Variants in ZNF385D observed in about 807,000 individuals in gnomAD.
The protein encoded by ZNF385D is zinc finger protein 385D.
ZNF385D carries 15 observed loss-of-function variants against 35.8 expected under a neutral mutation model. That is an observed-to-expected ratio of 0.42 (90% confidence interval 0.28 to 0.64). ZNF385D has a LOEUF of 0.64. ZNF385D is among the 30% of genes least tolerant of loss of function. The probability of loss-of-function intolerance (pLI) is 0.23; values close to 1 mark genes in which losing one functional copy is unlikely to be tolerated. For synonymous variants in ZNF385D, 212 were observed against 186.8 expected (o/e 1.13, Z -1.10); for missense variants, 474 against 494.6 (o/e 0.96, Z 0.39).
intron 3 of ZNF385D, among the ~76,000 whole-genome samples, chr3:21,852,328 G>A (rs554362879): frequency 6.6e-6 from 1 of 151,816 alleles, no homozygotes; most frequent in Non-Finnish European, 1.5e-5. Flanking sequence ...ATTCCAACAA[G>A]CTCAATTAAT....
Position 22,351,884 on chromosome 3 carries a change from A to G in ZNF385D, c.106+20566T>C, listed in dbSNP as rs576686744. On this transcript the variant is annotated intron_variant, in intron 2 of 5. Transcript: ENST00000494108. Reference sequence around the variant, plus strand: ...TTAAGCTAGTTTTCCTCCCAAATATAGAATGAAAATGGTGCTAACCTGAAG... The same window carrying G: ...TTAAGCTAGTTTTCCTCCCAAATATGGAATGAAAATGGTGCTAACCTGAAG... 6.6e-5 allele frequency among the ~76,000 whole-genome samples: 10 copies of G among 152,268 alleles called. No individual in the cohort carries two copies. The South Asian group carries it at 1.4e-3, about 22-fold the overall frequency.
chr3:22,127,317 C>CTTTTTTTTTTTTTTTTTTTTTTTTTT (rs71044975), intron 3 of ZNF385D, among the ~76,000 whole-genome samples: 1 of 56,308 alleles, frequency 1.8e-5, no homozygotes, highest in Non-Finnish European at 3.3e-5. Context: ...TCATTTCCTG[C>CTTTTTTTTTTTTTTTTTTTTTTTTTT]TTTTTTTTTT....
intron 2 of ZNF385D, among the ~76,000 whole-genome samples, chr3:22,221,421 A>G (rs1246620223): frequency 6.6e-6 from 1 of 152,162 alleles, no homozygotes; most frequent in African/African-American, 2.4e-5. Context: ...AATCCCAGAC[A>G]TAACATTTAA....
chr3:21,895,165 A>T (rs1360594993), intron 3 of ZNF385D, among the ~76,000 whole-genome samples: 1 of 151,990 alleles, frequency 6.6e-6, no homozygotes, highest in African/African-American at 2.4e-5. Flanking sequence ...ATGGAAAATG[A>T]GGTATTTCTA....
At chr3:21,487,976 T>C (rs1485026454) in intron 4 of ZNF385D, among the ~76,000 whole-genome samples, 1 of 152,158 alleles carries the variant, frequency 6.6e-6, no homozygotes, top group Non-Finnish European at 1.5e-5. Flanking sequence ...TTTCTTTAGT[T>C]GTTAAAATCA....
intron 3 of ZNF385D, among the ~76,000 whole-genome samples, chr3:21,820,628 A>G (rs1351188528): frequency 6.6e-6 from 1 of 151,830 alleles, no homozygotes; most frequent in Non-Finnish European, 1.5e-5. Flanking sequence ...GAAAAATACA[A>G]TAGAAAACAA....
chr3:22,368,279 CTT>C (rs1010777258), intron 2 of ZNF385D, among the ~76,000 whole-genome samples: 2 of 152,126 alleles, frequency 1.3e-5, no homozygotes, highest in African/African-American at 4.8e-5. Flanking sequence ...ATAAGATACT[CTT>C]TGAGACATAT....
At chr3:21,977,554 G>A (rs1703710124) in intron 3 of ZNF385D, among the ~76,000 whole-genome samples, 2 of 152,090 alleles carry the variant, frequency 1.3e-5, no homozygotes. Context: ...TGTGGTGGCT[G>A]ATGACTGAAA....
intron 2 of ZNF385D, among the ~76,000 whole-genome samples, chr3:22,368,198 G>A (rs916007057): frequency 1.3e-5 from 2 of 152,168 alleles, no homozygotes; most frequent in South Asian, 2.1e-4. Context: ...GTAACTAAGC[G>A]ATCTAAAGGT....
rs1416071384 is a variant in ZNF385D, at chr3:21,465,290, G to T, written c.440-28087C>A. Among the ~76,000 whole-genome samples the T allele has an allele frequency of 2.0e-5, 3 of 152,048 alleles. No homozygotes were observed. Among genetic ancestry groups the T allele is most frequent in the African/African-American group, 4.8e-5 (2 of 41,400 alleles). On this transcript the variant is annotated intron_variant, in intron 4 of 7. Coordinates refer to ENST00000281523, the MANE Select transcript of ZNF385D (RefSeq NM_024697.3). The surrounding 1 kb of genome is among the most constrained non-coding windows in gnomAD (Gnocchi z 4.2). ...AGACTATTTGTATTTATCCAGTTAG[G>T]TGTCTAATGCAAAACACACTAATTT...
chr3:21,563,632 G>A (rs561735843), intron 3 of ZNF385D, among the ~76,000 whole-genome samples: 1 of 152,226 alleles, frequency 6.6e-6, no homozygotes, highest in African/African-American at 2.4e-5. Context: ...GTTAAATACT[G>A]GAAGGCTTAA....
rs1415055911 is a variant in ZNF385D at position 21,519,577 on chromosome 3, C to G, written c.277-8554G>C. Among the ~76,000 whole-genome samples, 3 of 152,144 alleles carry G rather than the reference C, an allele frequency of 2.0e-5. No individual in the cohort carries two copies. In the East Asian group the frequency reaches 5.8e-4, roughly 29 times the overall value. The stretch of plus-strand genomic sequence containing the variant: ...TAAAGGAGAAGTCCTGATTGAGGAA[C>G]AGAGGATAGCAGTGGGCTTTGGAAG... On this transcript the variant is annotated intron_variant, in intron 3 of 7. Transcript: ENST00000281523.
intron 3 of ZNF385D, among the ~76,000 whole-genome samples, chr3:21,863,094 T>C (rs1024056419): frequency 2.6e-5 from 4 of 152,132 alleles, no homozygotes; most frequent in East Asian, 1.9e-4. Flanking sequence ...AAGTCCACTA[T>C]CCTCAAAATC....
At chr3:21,708,465 T>C (rs1361558386) in intron 1 of ZNF385D, among the ~76,000 whole-genome samples, 5 of 152,166 alleles carry the variant, frequency 3.3e-5, no homozygotes, top group Admixed American at 3.3e-4. Context: ...GAACTGTTAT[T>C]CCCTCCTCCT....
intron 2 of ZNF385D, among the ~76,000 whole-genome samples, chr3:21,583,824 TTA>T (rs1419431580): frequency 6.6e-6 from 1 of 151,070 alleles, no homozygotes; most frequent in African/African-American, 2.4e-5. Flanking sequence ...GTTTCCACTT[TTA>T]TGTTTGGTTC....
intron 3 of ZNF385D, among the ~76,000 whole-genome samples, chr3:21,908,110 TTC>T: frequency 7.3e-6 from 1 of 137,596 alleles, no homozygotes; most frequent in African/African-American, 2.6e-5. Flanking sequence ...CTATATATCT[TTC>T]TCTCTATATC....
At chr3:22,085,318 T>G (rs979818812) in intron 3 of ZNF385D, among the ~76,000 whole-genome samples, 7 of 151,930 alleles carry the variant, frequency 4.6e-5, no homozygotes, top group African/African-American at 1.7e-4. Flanking sequence ...ATTAATGAAA[T>G]AGACCTCTAA....
intron 3 of ZNF385D, among the ~76,000 whole-genome samples, chr3:21,887,129 A>G (rs1312683044): frequency 6.6e-6 from 1 of 152,078 alleles, no homozygotes; most frequent in East Asian, 1.9e-4. Context: ...ATCACCTACA[A>G]ATTTTACCTT....
At chr3:21,682,001 T>C (rs2066926814) in intron 1 of ZNF385D, among the ~76,000 whole-genome samples, 1 of 152,150 alleles carries the variant, frequency 6.6e-6, no homozygotes, top group Non-Finnish European at 1.5e-5. Context: ...ATGTTTGACA[T>C]CATTGAGGCC....
Sources: allele counts gnomAD v4.1 joint callset (sites outside exome capture counted in the v4.1 genomes callset), GRCh38; gene constraint gnomAD v4.1.1; non-coding constraint Gnocchi (gnomAD v3.1); transcripts MANE v1.5; gene names NCBI Gene and HGNC (gene_info 2026-07-23, HGNC 2026-07-21).